TMEM65: variants seen among roughly 807,000 people sequenced by gnomAD.
TMEM65 encodes the protein transmembrane protein 65.
Under a neutral mutation model 25.4 loss-of-function variants are expected in TMEM65, and 22 were observed. The observed-to-expected ratio is 0.86, with a 90% CI of 0.62 to 1.23. The LOEUF (loss-of-function observed/expected upper bound fraction) is 1.23, where lower values mean the gene tolerates loss of function less well. Among genes scored for constraint, TMEM65 ranks in the 50% most tolerant of loss-of-function variants. The pLI is 0.00. For synonymous variants in TMEM65, 132 were observed against 126.2 expected (o/e 1.05, Z -0.31); for missense variants, 262 against 308.2 (o/e 0.85, Z 1.12).
At chr8:124,352,811 G>C (rs2131220781) in intron 1 of TMEM65, among the ~76,000 whole-genome samples, 1 of 152,204 alleles carries the variant, frequency 6.6e-6, no homozygotes, top group Admixed American at 6.5e-5. Context: ...CACACAGGCA[G>C]GTTGGTCTGG....
chr8:124,327,579 T>G (rs1814380588), intron 2 of TMEM65, among the ~76,000 whole-genome samples, 158 bp from the exon 3 acceptor site: 1 of 151,850 alleles, frequency 6.6e-6, no homozygotes, highest in African/African-American at 2.4e-5. Flanking sequence ...CTGCTATAAG[T>G]AGAAACTATA....
chr8:124,343,298 G>A (rs916533497), intron 1 of TMEM65, among the ~76,000 whole-genome samples: 2 of 152,074 alleles, frequency 1.3e-5, no homozygotes, highest in African/African-American at 4.8e-5. Flanking sequence ...CTATGTCCCT[G>A]ATAATAGAAC....
Position 124,327,228 on chromosome 8 carries a change from T to C in TMEM65, c.417+126A>G, listed in dbSNP as rs114043047. On this transcript the variant is annotated intron_variant, in intron 3 of 6. Transcript: ENST00000297632. ...TAAAATTGAGCTATAGTCTGAGATA[T>C]AGTAAAAAATATCCTTGTTCATTAT... 9.2e-3 allele frequency: 5,981 copies of C among 653,282 alleles called. 306 individuals carry two copies. The African/African-American group carries it at 0.1, about 11-fold the overall frequency. 40.5% of individuals were successfully genotyped at this position (653,282 alleles called of 1,614,324 possible). A position where few individuals can be genotyped will look rare whatever the true frequency, so the allele number is the denominator to read the frequency against.
At chr8:124,327,197 C>T (rs1814374707) in intron 3 of TMEM65, among the ~76,000 whole-genome samples, 157 bp downstream of exon 3, 2 of 151,834 alleles carry the variant, frequency 1.3e-5, no homozygotes, top group South Asian at 4.1e-4. Flanking sequence ...TTAAATATAG[C>T]TTAATTAAAA....
intron 1 of TMEM65, among the ~76,000 whole-genome samples, chr8:124,362,580 T>G (rs963825622): frequency 6.9e-6 from 1 of 145,324 alleles, no homozygotes; most frequent in Non-Finnish European, 1.5e-5. Context: ...GAGAATCGCT[T>G]GAGCCCAGGA....
rs1814098888 is a variant in TMEM65, at chr8:124,306,989, A to G, written c.*6971T>C. 6.6e-6 allele frequency: 1 copy of G among 152,224 alleles called. No individual in the cohort carries two copies. Among genetic ancestry groups the G allele is most frequent in the Non-Finnish European group, 1.5e-5 (1 of 68,074 alleles). 9.4% of individuals were successfully genotyped at this position (152,224 alleles called of 1,614,324 possible). A position where few individuals can be genotyped will look rare whatever the true frequency, so the allele number is the denominator to read the frequency against. Reference sequence around the variant, plus strand: ...TAAAATTTATCAAAACTTAACGCATACACAGACTATACATTGGAGCCATTT... The same window carrying G: ...TAAAATTTATCAAAACTTAACGCATGCACAGACTATACATTGGAGCCATTT... On this transcript the variant is annotated 3_prime_UTR_variant, in exon 7 of 7. Transcript: ENST00000297632.
intron 1 of TMEM65, among the ~76,000 whole-genome samples, chr8:124,338,824 G>T (rs1352321874): frequency 6.6e-6 from 1 of 151,862 alleles, no homozygotes; most frequent in African/African-American, 2.4e-5. Flanking sequence ...AATTAAATTT[G>T]GCCTAAAGCT....
chr8:124,324,099 C>G (rs1348327463), intron 3 of TMEM65, among the ~76,000 whole-genome samples: 1 of 151,990 alleles, frequency 6.6e-6, no homozygotes, highest in African/African-American at 2.4e-5. Context: ...ATCCTAGGAT[C>G]TATTGTGCTA....
intron 1 of TMEM65, among the ~76,000 whole-genome samples, chr8:124,334,890 G>A (rs377662774): frequency 2.0e-5 from 3 of 151,386 alleles, no homozygotes; most frequent in East Asian, 1.9e-4. Flanking sequence ...AAATTATTCA[G>A]TCTGAACAAC....
chr8:124,339,222 A>AAATATAT (rs1563594368), intron 1 of TMEM65, among the ~76,000 whole-genome samples: 7 of 19,908 alleles, frequency 3.5e-4, no homozygotes, highest in Non-Finnish European at 4.0e-4. Flanking sequence ...AAAAAAAAAA[A>AAATATAT]ATATATATAT....
chr8:124,361,602 G>T (rs184756323), intron 1 of TMEM65, among the ~76,000 whole-genome samples: 1 of 151,924 alleles, frequency 6.6e-6, no homozygotes, highest in Admixed American at 6.5e-5. Context: ...GGGAGCAGAG[G>T]CGGGTGAATC....
rs1369893689 is a variant in TMEM65, at chr8:124,313,997, C to T, written c.686G>A (p.Gly229Glu). Reference sequence around the variant, plus strand: ...TTCCAGTTTTTCATCTTCTTCACCTCCTCCAAAGAAAATTAAAGGAAACAT... The same window carrying T: ...TTCCAGTTTTTCATCTTCTTCACCTTCTCCAAAGAAAATTAAAGGAAACAT... ...LGMFPLIFFGGGEEDEKLETK... is the reference protein window; with the variant it reads ...LGMFPLIFFGEGEEDEKLETK... The change falls in exon 7 of 7, where the codon GGA (glycine) becomes GAA (glutamate). Residue 229 changes from glycine (G) to glutamate (E), a missense_variant. Transcript: ENST00000297632. The T allele has an allele frequency of 6.2e-7, 1 of 1,613,606 alleles. No homozygotes were observed. The highest frequency in any genetic ancestry group is 1.1e-5 in the South Asian group (1 of 91,056).
intron 3 of TMEM65, among the ~76,000 whole-genome samples, chr8:124,325,401 G>A (rs1814355951): frequency 6.6e-6 from 1 of 151,826 alleles, no homozygotes; most frequent in Non-Finnish European, 1.5e-5. Flanking sequence ...ATATAACGAA[G>A]CCTCACTGGA....
intron 1 of TMEM65, among the ~76,000 whole-genome samples, chr8:124,370,329 G>A (rs1360942836): frequency 6.6e-6 from 1 of 152,132 alleles, no homozygotes; most frequent in Non-Finnish European, 1.5e-5. Context: ...CTTGGAAAAG[G>A]TAAAATGTGT....
chr8:124,335,769 G>A (rs1814499540), intron 1 of TMEM65, among the ~76,000 whole-genome samples: 1 of 151,920 alleles, frequency 6.6e-6, no homozygotes, highest in Non-Finnish European at 1.5e-5. Flanking sequence ...ACTTGAAGGA[G>A]AATCTGAAGG....
At chr8:124,364,732 G>A (rs1252702646) in intron 1 of TMEM65, among the ~76,000 whole-genome samples, 1 of 152,068 alleles carries the variant, frequency 6.6e-6, no homozygotes, top group Non-Finnish European at 1.5e-5. Flanking sequence ...CTTATTGTCT[G>A]TCTGAGGTAA....
intron 4 of TMEM65, among the ~76,000 whole-genome samples, chr8:124,322,797 A>G (rs567145060): frequency 3.9e-5 from 6 of 152,202 alleles, no homozygotes; most frequent in East Asian, 1.9e-4. Flanking sequence ...GGCATTCAAG[A>G]CCATCCTGGC....
intron 6 of TMEM65, 63 bp downstream of exon 6, chr8:124,320,023 G>C: frequency 7.5e-7 from 1 of 1,340,676 alleles, no homozygotes; most frequent in Middle Eastern, 1.9e-4. Flanking sequence ...TCAAGGGCCT[G>C]AACTATACAG....
At chr8:124,342,337 C>T (rs1056314612) in intron 1 of TMEM65, among the ~76,000 whole-genome samples, 4 of 152,138 alleles carry the variant, frequency 2.6e-5, no homozygotes, top group African/African-American at 9.6e-5. Flanking sequence ...TACCATTGGA[C>T]TGAGTCCAAG....
Sources: gnomAD v4.1 joint callset for allele counts (sites outside exome capture counted in the v4.1 genomes callset) on GRCh38, gnomAD v4.1.1 for gene constraint, MANE v1.5 for transcripts, NCBI Gene and HGNC (gene_info 2026-07-23, HGNC 2026-07-21) for gene names.